ATP13A5: variants seen among roughly 807,000 people sequenced by gnomAD.
ATP13A5 encodes the protein ATPase 13A5.
In ATP13A5, 149 loss-of-function variants were observed where a neutral mutation model predicts 150.2. The observed-to-expected ratio is 0.99, with a 90% CI of 0.87 to 1.14. ATP13A5 has a LOEUF of 1.14. Among genes scored for constraint, ATP13A5 ranks in the 50% most tolerant of loss-of-function variants. The pLI is 0.00. For missense variants in ATP13A5, 1,383 were observed against 1,449.3 expected, an observed-to-expected ratio of 0.95 and a Z score of 0.74; for synonymous variants, 497 against 522.2, an observed-to-expected ratio of 0.95 and a Z score of 0.66.
intron 5 of ATP13A5, among the ~76,000 whole-genome samples, chr3:193,356,417 A>G (rs753069125): frequency 4.6e-5 from 7 of 152,054 alleles, no homozygotes; most frequent in Non-Finnish European, 7.4e-5. Flanking sequence ...CACTCTTCTC[A>G]TCTGTAAAAG....
chr3:193,374,591 G>A (rs1022792013), intron 1 of ATP13A5, among the ~76,000 whole-genome samples: 7 of 149,988 alleles, frequency 4.7e-5, no homozygotes, highest in African/African-American at 1.7e-4. Context: ...GCTGCAGTGA[G>A]CTATGATCAC....
At chr3:193,337,295 G>A (rs1711916711) in intron 9 of ATP13A5, among the ~76,000 whole-genome samples, 1 of 152,092 alleles carries the variant, frequency 6.6e-6, no homozygotes, top group Non-Finnish European at 1.5e-5. Context: ...TGGTGTTTTA[G>A]ACATGAAGTC....
chr3:193,318,574 T>C (rs1440566918), intron 17 of ATP13A5, among the ~76,000 whole-genome samples: 1 of 152,186 alleles, frequency 6.6e-6, no homozygotes, highest in African/African-American at 2.4e-5. Flanking sequence ...TAAAGTATTC[T>C]CAAAATCTTT....
chr3:193,373,045 A>G (rs7621312), intron 1 of ATP13A5, among the ~76,000 whole-genome samples: 146,297 of 152,234 alleles, frequency 0.96, 70,327 homozygotes, highest in African/African-American at 0.98. Flanking sequence ...GGTTTTTTTG[A>G]GGGGAAGTTC....
intron 1 of ATP13A5, among the ~76,000 whole-genome samples, chr3:193,371,105 A>T (rs987745104): frequency 2.0e-5 from 3 of 152,234 alleles, no homozygotes; most frequent in African/African-American, 4.8e-5. Context: ...AAAGATGATG[A>T]GATGCCTGGC....
chr3:193,347,761 A>G (rs927248912), intron 7 of ATP13A5, among the ~76,000 whole-genome samples: 1 of 152,128 alleles, frequency 6.6e-6, no homozygotes, highest in African/African-American at 2.4e-5. Flanking sequence ...CCGGTTTTCT[A>G]CTAGCAAACT....
intron 14 of ATP13A5, 36 bp downstream of exon 14, chr3:193,324,826 CCT>C: frequency 1.3e-6 from 2 of 1,597,630 alleles, no homozygotes; most frequent in Non-Finnish European, 1.7e-6. Flanking sequence ...GTAAAGATTT[CCT>C]CAGATTCTCA....
intron 5 of ATP13A5, among the ~76,000 whole-genome samples, chr3:193,360,278 G>C (rs1201833902): frequency 1.3e-5 from 2 of 150,004 alleles, no homozygotes; most frequent in East Asian, 1.9e-4. Context: ...TGAAAAGTGA[G>C]AACTATGTAA....
intron 16 of ATP13A5, among the ~76,000 whole-genome samples, 175 bp downstream of exon 16, chr3:193,321,506 C>T (rs570935721): frequency 1.3e-5 from 2 of 152,292 alleles, no homozygotes; most frequent in South Asian, 4.1e-4. Flanking sequence ...TGGCATGCTC[C>T]TGTAATCCCA....
chr3:193,326,282 T>C (rs1005330909), intron 13 of ATP13A5, among the ~76,000 whole-genome samples: 31 of 152,106 alleles, frequency 2.0e-4, no homozygotes. Flanking sequence ...GGAGATACCA[T>C]GAGGAGATTC....
At chr3:193,331,431 C>T in intron 11 of ATP13A5, 120 bp from the exon 12 acceptor site, 1 of 869,422 alleles carries the variant, frequency 1.2e-6, no homozygotes, top group Non-Finnish European at 1.7e-6. Flanking sequence ...CCTTTGATCC[C>T]TACTCCCAGT....
At chr3:193,334,597 G>C (rs6804403) in intron 10 of ATP13A5, among the ~76,000 whole-genome samples, 2 of 152,246 alleles carry the variant, frequency 1.3e-5, no homozygotes, top group East Asian at 1.9e-4. Context: ...CCTCATAGTC[G>C]TGGTGGCTGA....
At chr3:193,279,251 G>A (rs1241558611) in intron 28 of ATP13A5, 115 bp downstream of exon 28, 1 of 781,014 alleles carries the variant, frequency 1.3e-6, no homozygotes, top group East Asian at 2.6e-5. Context: ...TATAGAAATA[G>A]CCTCACAGTA....
chr3:193,351,342 T>G, intron 6 of ATP13A5, 141 bp from the exon 7 acceptor site: 61 of 1,027,896 alleles, frequency 5.9e-5, no homozygotes, highest in Non-Finnish European at 8.6e-5. Flanking sequence ...CTTAGATCTC[T>G]ATTGATTTGG....
intron 17 of ATP13A5, among the ~76,000 whole-genome samples, chr3:193,315,763 C>T (rs368321274): frequency 2.0e-5 from 3 of 152,086 alleles, no homozygotes; most frequent in South Asian, 2.1e-4. Flanking sequence ...GTTAAGATTA[C>T]AGGGAGATAG....
chr3:193,329,608 C>T (rs538258539), intron 12 of ATP13A5, among the ~76,000 whole-genome samples: 51 of 152,252 alleles, frequency 3.3e-4, no homozygotes, highest in Admixed American at 1.2e-3. Context: ...TTATTTGGCC[C>T]TGAATCTAAA....
intron 1 of ATP13A5, among the ~76,000 whole-genome samples, chr3:193,374,047 T>A (rs1035386929): frequency 6.6e-6 from 1 of 152,056 alleles, no homozygotes; most frequent in African/African-American, 2.4e-5. Flanking sequence ...GGGGTCAGAA[T>A]CAAAGTCATC....
intron 2 of ATP13A5, 50 bp from the exon 3 acceptor site, chr3:193,363,432 G>A (rs765267481): frequency 6.4e-7 from 1 of 1,553,876 alleles, no homozygotes; most frequent in Non-Finnish European, 8.8e-7. Context: ...ATTCAGTAAG[G>A]TGCTCAATCA....
chr3:193,374,301 C>CACACACAGAG (rs1441073312), intron 1 of ATP13A5, among the ~76,000 whole-genome samples: 4 of 144,340 alleles, frequency 2.8e-5, no homozygotes, highest in African/African-American at 7.7e-5. Context: ...CACACACACA[C>CACACACAGAG]AGAGAGAGAG....
Sources: allele counts gnomAD v4.1 joint callset (sites outside exome capture counted in the v4.1 genomes callset), GRCh38; gene constraint gnomAD v4.1.1; transcripts MANE v1.5; gene names NCBI Gene and HGNC (gene_info 2026-07-23, HGNC 2026-07-21).